The following SLC35D1 variants were observed in gnomAD, a reference collection of about 807,000 sequenced individuals.
The protein encoded by SLC35D1 is solute carrier family 35 member D1.
A neutral mutation model predicts 46.7 loss-of-function variants in SLC35D1; 31 were observed. The observed-to-expected ratio is 0.66, with a 90% CI of 0.50 to 0.90. The LOEUF is 0.90. Ranked by LOEUF, SLC35D1 falls within the 40% of genes least tolerant of loss-of-function variation. SLC35D1 has a pLI of 0.00. For missense variants in SLC35D1, 397 were observed against 426.2 expected (o/e 0.93, Z 0.60); for synonymous variants, 195 against 164.6 (o/e 1.18, Z -1.41).
chr1:66,989,164 C>G, the SLC35D1 span, among the ~76,000 whole-genome samples: 2 of 152,134 alleles, frequency 1.3e-5, no homozygotes, highest in Non-Finnish European at 2.9e-5. Context: ...GGACTCATCC[C>G]TTTTTTCTTG....
intron 11 of SLC35D1, among the ~76,000 whole-genome samples, chr1:67,007,816 C>T (rs142762180): frequency 7.9e-4 from 120 of 152,282 alleles, no homozygotes; most frequent in African/African-American, 2.7e-3. Flanking sequence ...TTTTATACAA[C>T]ACTACCAAAT....
chr1:66,995,592 G>A (rs1310966448), downstream of SLC35D1, among the ~76,000 whole-genome samples: 1 of 151,868 alleles, frequency 6.6e-6, no homozygotes, highest in Non-Finnish European at 1.5e-5. Flanking sequence ...AGATAGGCTG[G>A]TCAAGGAAGA....
intron 8 of SLC35D1, chr1:67,032,086 G>T (rs989733232): frequency 1.0e-6 from 1 of 985,206 alleles, no homozygotes; most frequent in Non-Finnish European, 1.2e-6. Flanking sequence ...TGGAATCTTC[G>T]GTCTTGGCTG....
chr1:67,005,927 A>G (rs1667438096), intron 11 of SLC35D1, among the ~76,000 whole-genome samples: 1 of 152,174 alleles, frequency 6.6e-6, no homozygotes, highest in African/African-American at 2.4e-5. Context: ...TTAGCAACAC[A>G]ATAAGTAACT....
the SLC35D1 span, among the ~76,000 whole-genome samples, chr1:66,981,577 G>A: frequency 2.0e-5 from 3 of 152,040 alleles, no homozygotes; most frequent in Non-Finnish European, 2.9e-5. Flanking sequence ...CTTTAAAGCC[G>A]TTATGCATTT....
intron 8 of SLC35D1, among the ~76,000 whole-genome samples, chr1:67,028,659 T>C (rs1483093732): frequency 6.6e-6 from 1 of 152,194 alleles, no homozygotes; most frequent in East Asian, 1.9e-4. Flanking sequence ...CCTTTAAAGT[T>C]TTCATCAAAT....
At chr1:67,052,685 T>A in intron 3 of SLC35D1, 86 bp downstream of exon 3, 4 of 1,436,782 alleles carry the variant, frequency 2.8e-6, no homozygotes, top group Non-Finnish European at 3.9e-6. Context: ...GAGGCTGCAA[T>A]TTTTAAATAC....
chr1:67,001,904 C>T lies in SLC35D1; in HGVS notation c.*2436G>A, dbSNP rs1667348253. The T allele has an allele frequency of 6.6e-6, 1 of 152,386 alleles. No individual in the cohort carries two copies. Among genetic ancestry groups the T allele is most frequent in the African/African-American group, 2.4e-5 (1 of 41,448 alleles). The allele number at this position is 152,386 out of a possible 1,614,324, so 9.4% of individuals were successfully genotyped here. ...TCAGCATAAGCCAGGGCTCCCAAGG[C>T]ACAGAAGCCTGTCACGTGCATTTAG... On this transcript the variant is annotated 3_prime_UTR_variant, in exon 12 of 12. Transcript: ENST00000235345.
chr1:67,052,787 C>G lies in SLC35D1; in HGVS notation c.308G>C (p.Arg103Thr). The G allele has an allele frequency of 1.9e-6, 3 of 1,614,180 alleles. No homozygotes were observed. Among genetic ancestry groups the G allele is most frequent in the Non-Finnish European group, 2.5e-6 (3 of 1,180,004 alleles). ...TTCTTTTACCTTTCGAGGTACATTT[C>G]TGTCAAGGTCAGGAAACTTGACTAC... ...LRVVKFPDLD[R>T]NVPRKTFPLP... The change falls in exon 3 of 12, where the codon AGA (arginine) becomes ACA (threonine). Residue 103 changes from arginine (R) to threonine (T), a missense_variant. By Grantham distance (71) the Arg-to-Thr change is moderately conservative. Transcript: ENST00000235345.
At chr1:66,984,973 T>C in the SLC35D1 span, 1 of 1,476,014 alleles carries the variant, frequency 6.8e-7, no homozygotes, top group Non-Finnish European at 9.0e-7. Flanking sequence ...ATGGGTTACC[T>C]TAAAAAGTTG....
rs532987678 is a variant in SLC35D1, at chr1:67,002,392, G to A, written c.*1948C>T. The A allele has an allele frequency of 7.9e-5, 12 of 152,448 alleles. No individual in the cohort carries two copies. The highest frequency in any genetic ancestry group is 2.9e-4 in the African/African-American group (12 of 41,566). The allele number at this position is 152,448 out of a possible 1,614,324, so 9.4% of individuals were successfully genotyped here. On this transcript the variant is annotated 3_prime_UTR_variant, in exon 12 of 12. Coordinates refer to ENST00000235345, the MANE Select transcript of SLC35D1 (RefSeq NM_015139.3). The stretch of plus-strand genomic sequence containing the variant: ...GGATCTGTTTCCTTACTCCCTCAGA[G>A]GGGAAGGGCGGTTAATTAAATGGCA...
intron 7 of SLC35D1, among the ~76,000 whole-genome samples, chr1:67,043,614 T>C (rs186311909): frequency 1.9e-4 from 29 of 152,222 alleles, no homozygotes; most frequent in African/African-American, 7.0e-4. Context: ...ACATGCAGAC[T>C]CAGGCCTAGA....
chr1:66,997,569 G>A (rs1558144817), downstream of SLC35D1, among the ~76,000 whole-genome samples: 8 of 121,792 alleles, frequency 6.6e-5, no homozygotes, highest in East Asian at 1.4e-3. Flanking sequence ...ATCTGTGTGT[G>A]TATATATATA....
intron 8 of SLC35D1, among the ~76,000 whole-genome samples, chr1:67,033,497 T>C (rs1365846380): frequency 2.0e-5 from 3 of 152,254 alleles, no homozygotes; most frequent in Non-Finnish European, 2.9e-5. Flanking sequence ...TAGCACTTTT[T>C]GTATATGACT....
intron 10 of SLC35D1, among the ~76,000 whole-genome samples, chr1:67,010,224 C>T (rs185255616): frequency 4.6e-4 from 70 of 152,226 alleles, no homozygotes; most frequent in African/African-American, 1.6e-3. Flanking sequence ...TGGAAGACTA[C>T]CTGTTGAGTA....
the SLC35D1 span, chr1:66,985,088 T>C: frequency 7.6e-7 from 1 of 1,320,588 alleles, no homozygotes; most frequent in South Asian, 2.1e-5. Context: ...GCTGTCAGAC[T>C]CTTTTAAGGG....
chr1:67,039,459 A>G (rs1026900779), intron 8 of SLC35D1, among the ~76,000 whole-genome samples: 2 of 150,860 alleles, frequency 1.3e-5, no homozygotes, highest in African/African-American at 4.9e-5. Context: ...TTTCATGTAT[A>G]TTTTTCCAGA....
intron 8 of SLC35D1, among the ~76,000 whole-genome samples, chr1:67,036,754 T>A (rs191100913): frequency 2.6e-3 from 401 of 152,050 alleles, no homozygotes; most frequent in Non-Finnish European, 3.5e-3. Flanking sequence ...ACTGTATGTC[T>A]TTTGATTGGA....
chr1:66,997,519 A>ATATATATATATATATATAT (rs1553262616), downstream of SLC35D1, among the ~76,000 whole-genome samples: 1 of 74,028 alleles, frequency 1.4e-5, no homozygotes, highest in Non-Finnish European at 2.5e-5. Context: ...AAAAAAAAAA[A>ATATATATATATATATATAT]ATATATATAT....
Sources: allele counts gnomAD v4.1 joint callset (sites outside exome capture counted in the v4.1 genomes callset), GRCh38; gene constraint gnomAD v4.1.1; transcripts MANE v1.5; gene names NCBI Gene and HGNC (gene_info 2026-07-23, HGNC 2026-07-21).